UBE3B: variants seen among roughly 807,000 people sequenced by gnomAD.
The protein encoded by UBE3B is ubiquitin-protein ligase E3B.
In UBE3B, 80 loss-of-function variants were observed where a neutral mutation model predicts 132.3. The ratio of observed to expected loss-of-function variants is 0.60; its 90% CI spans 0.50 to 0.73. The LOEUF (loss-of-function observed/expected upper bound fraction) is 0.73, where lower values mean the gene tolerates loss of function less well. Ranked by LOEUF, UBE3B falls within the 30% of genes least tolerant of loss-of-function variation. UBE3B has a pLI of 0.00. For synonymous variants in UBE3B, 487 were observed against 520.4 expected (o/e 0.94, Z 0.87); for missense variants, 1,196 against 1,362.5 (o/e 0.88, Z 1.92).
At chr12:109,523,870 G>T in intron 21 of UBE3B, 108 bp from the exon 22 acceptor site, 3 of 1,505,034 alleles carry the variant, frequency 2.0e-6, no homozygotes, top group Non-Finnish European at 2.7e-6. Flanking sequence ...GAGGGGCCTG[G>T]AAATGCCGAT....
intron 2 of UBE3B, among the ~76,000 whole-genome samples, chr12:109,483,109 G>A (rs1380179958): frequency 1.3e-5 from 2 of 152,180 alleles, no homozygotes; most frequent in African/African-American, 4.8e-5. Context: ...AATAAAAGCT[G>A]ACCTCTCAGT....
At position 109,533,507 on chromosome 12, in the gene UBE3B, C is replaced by T; in HGVS notation, c.2964C>T (p.Ala988=). 1.2e-6 allele frequency: 2 copies of T among 1,614,120 alleles called. No homozygotes were observed. Among genetic ancestry groups the T allele is most frequent in the East Asian group, 2.2e-5 (1 of 44,870 alleles). ...CCAGACCCCCGCTCCTGGGATTCGCCTACCTCAAGCCTCCATTCTCCATCC... is the reference window on the plus strand; with the variant it reads ...CCAGACCCCCGCTCCTGGGATTCGCTTACCTCAAGCCTCCATTCTCCATCC... ...SCSRPPLLGF[A]YLKPPFSIRC... is the part of the protein sequence containing the mutation. The change falls in exon 27 of 28, where the codon GCC becomes GCT. Residue 988 remains alanine, a synonymous_variant. Coordinates refer to ENST00000342494, the MANE Select transcript of UBE3B (RefSeq NM_130466.4).
chr12:109,542,588 A>C, the UBE3B span, among the ~76,000 whole-genome samples: 1 of 152,186 alleles, frequency 6.6e-6, no homozygotes, highest in African/African-American at 2.4e-5. Context: ...ATGAGGTCAT[A>C]TAGGAGTAGG....
chr12:109,502,629 C>T (rs967418625), intron 13 of UBE3B, among the ~76,000 whole-genome samples: 4 of 152,222 alleles, frequency 2.6e-5, no homozygotes, highest in African/African-American at 4.8e-5. Flanking sequence ...GAGGTTGTCA[C>T]GCCTTACTTC....
rs1235829771 is a variant in UBE3B at position 109,477,873 on chromosome 12, G to A, written c.-364G>A. On this transcript the variant is annotated 5_prime_UTR_variant, in exon 1 of 28. Coordinates refer to ENST00000342494, the MANE Select transcript of UBE3B (RefSeq NM_130466.4). ...GGACTTTGAGGGAGTTGGCTCTAGG[G>A]CACAGTCCCTGCCTGGCCAGGTCGG... 1.3e-5 allele frequency: 2 copies of A among 156,230 alleles called. No individual in the cohort carries two copies. Among genetic ancestry groups the A allele is most frequent in the South Asian group, 1.7e-4 (1 of 6,030 alleles). The allele number at this position is 156,230 out of a possible 1,614,324, so 9.7% of individuals were successfully genotyped here.
chr12:109,543,906 C>T, the UBE3B span, among the ~76,000 whole-genome samples: 28 of 151,982 alleles, frequency 1.8e-4, no homozygotes, highest in East Asian at 2.7e-3. Context: ...AGGGTTGGAG[C>T]GGGCCTCTCA....
intron 1 of UBE3B, among the ~76,000 whole-genome samples, chr12:109,478,410 G>A (rs1329792242): frequency 6.6e-6 from 1 of 152,142 alleles, no homozygotes; most frequent in African/African-American, 2.4e-5. Flanking sequence ...CCTTAGATAG[G>A]CTGTAGCTTT....
intron 3 of UBE3B, 59 bp from the exon 4 acceptor site, chr12:109,483,802 C>A: frequency 6.3e-7 from 1 of 1,590,906 alleles, no homozygotes. Flanking sequence ...GCTTGAAAAG[C>A]CTTCCAGGTG....
downstream of UBE3B, among the ~76,000 whole-genome samples, chr12:109,539,347 A>C (rs1481852068): frequency 2.6e-5 from 4 of 152,376 alleles, no homozygotes; most frequent in African/African-American, 9.6e-5. Context: ...GCTTCACGGC[A>C]GTCATCCTGA....
chr12:109,522,467 G>T lies in UBE3B; in HGVS notation c.2364+916G>T, dbSNP rs750076941. Among the ~76,000 whole-genome samples the T allele has an allele frequency of 1.3e-5, 2 of 152,232 alleles. No individual in the cohort carries two copies. Among genetic ancestry groups the T allele is most frequent in the Non-Finnish European group, 2.9e-5 (2 of 68,044 alleles). ...CCAGTCTGTGTGGCCTTCGCAGTGG[G>T]CTCCAGAGCTGCAGGGACCCTGCCT... On this transcript the variant is annotated intron_variant, in intron 21 of 27. Coordinates refer to ENST00000342494, the MANE Select transcript of UBE3B (RefSeq NM_130466.4). The surrounding 1 kb of genome is among the most constrained non-coding windows in gnomAD (Gnocchi z 4.2).
chr12:109,526,909 C>T lies in UBE3B; in HGVS notation c.2627+493C>T, dbSNP rs537414487. On this transcript the variant is annotated intron_variant, in intron 24 of 27. Coordinates refer to ENST00000342494, the MANE Select transcript of UBE3B (RefSeq NM_130466.4). ...AATTGATTTGCAAAATAAGAATTGA[C>T]CATTTATTTTTTGCAGTAGCACTTC... is the stretch of plus-strand genomic sequence containing the variant. Among the ~76,000 whole-genome samples the T allele has an allele frequency of 2.0e-5, 3 of 151,872 alleles. No homozygotes were observed. The South Asian group carries it at 6.2e-4, about 32-fold the overall frequency.
intron 14 of UBE3B, among the ~76,000 whole-genome samples, chr12:109,507,015 G>C (rs1879774963): frequency 6.6e-6 from 1 of 152,230 alleles, no homozygotes; most frequent in Admixed American, 6.5e-5. Context: ...GACTGGAGCT[G>C]TCTGAACCTC....
intron 18 of UBE3B, 68 bp downstream of exon 18, chr12:109,511,371 T>A (rs968169481): frequency 6.3e-6 from 9 of 1,428,396 alleles, no homozygotes; most frequent in Non-Finnish European, 8.8e-6. Flanking sequence ...TGCCTTTCCA[T>A]CCTTGCTATG....
chr12:109,489,333 G>T (rs1877031261), intron 7 of UBE3B, among the ~76,000 whole-genome samples: 1 of 152,240 alleles, frequency 6.6e-6, no homozygotes. Context: ...GTCCAGTAGG[G>T]TGGGGAGGCC....
At chr12:109,503,839 C>G (rs1470940854) in intron 14 of UBE3B, among the ~76,000 whole-genome samples, 1 of 152,184 alleles carries the variant, frequency 6.6e-6, no homozygotes, top group Admixed American at 6.5e-5. Context: ...ACCGTGGAAG[C>G]CTTTTATTAC....
rs1340878317 is a variant in UBE3B at position 109,495,885 on chromosome 12, T to G, written c.714-1933T>G. On this transcript the variant is annotated intron_variant, in intron 9 of 27. Coordinates refer to ENST00000342494, the MANE Select transcript of UBE3B (RefSeq NM_130466.4). ...TCATTCCAGTAGACCTACAACCTTC[T>G]GGCCGTGGGCATCACGGCCATCACG... Among the ~76,000 whole-genome samples, 11 of 152,258 alleles carry G rather than the reference T, an allele frequency of 7.2e-5. No individual in the cohort carries two copies. In the East Asian group the frequency reaches 2.1e-3, roughly 29 times the overall value.
At chr12:109,523,955 G>A (rs757416018) in intron 21 of UBE3B, 23 bp from the exon 22 acceptor site, 2 of 1,613,158 alleles carry the variant, frequency 1.2e-6, no homozygotes, top group Non-Finnish European at 1.7e-6. Context: ...CTGATGGACA[G>A]CTCTGCTTCT....
the UBE3B span, among the ~76,000 whole-genome samples, chr12:109,544,163 C>T: frequency 2.6e-5 from 4 of 152,288 alleles, no homozygotes; most frequent in South Asian, 8.3e-4. Flanking sequence ...GCAGCCCTTC[C>T]CAGACACAGA....
the UBE3B span, among the ~76,000 whole-genome samples, chr12:109,543,988 G>C: frequency 3.9e-5 from 6 of 152,110 alleles, no homozygotes; most frequent in African/African-American, 1.4e-4. Flanking sequence ...GCATCCTGAG[G>C]GGGTGTCGGC....
Sources: allele counts gnomAD v4.1 joint callset (sites outside exome capture counted in the v4.1 genomes callset), GRCh38; gene constraint gnomAD v4.1.1; non-coding constraint Gnocchi (gnomAD v3.1); transcripts MANE v1.5; gene names NCBI Gene and HGNC (gene_info 2026-07-23, HGNC 2026-07-21).